AKR1C4: variants seen among roughly 807,000 people sequenced by gnomAD.
AKR1C4 encodes the protein aldo-keto reductase family 1 member C4.
AKR1C4 carries 44 observed loss-of-function variants against 41.0 expected under a neutral mutation model. That is an observed-to-expected ratio of 1.07 (90% CI 0.84 to 1.38). The LOEUF (loss-of-function observed/expected upper bound fraction) is 1.38. Among genes scored for constraint, AKR1C4 ranks in the 40% most tolerant of loss-of-function variants. The probability of loss-of-function intolerance (pLI) is 0.00; values close to 1 mark genes in which losing one functional copy is unlikely to be tolerated. For missense variants in AKR1C4, 438 were observed against 387.9 expected (o/e 1.13, Z -1.09); for synonymous variants, 165 against 137.7 (o/e 1.20, Z -1.39).
Position 5,213,131 on chromosome 10 carries a change from A to G in AKR1C4, c.818A>G (p.Asn273Ser), listed in dbSNP as rs782582193. Residue 273 changes from asparagine to serine, a missense_variant, in exon 7 of 9, where the codon AAT becomes AGT. By Grantham distance (46) the Asn-to-Ser change is conservative. Coordinates refer to ENST00000263126, the MANE Select transcript of AKR1C4 (RefSeq NM_001818.5). ...GTTGTGGTCCTGGCCAAGAGCTACA[A>G]TGAGCAGCGGATCAGAGAGAACATC... Reference protein sequence around the residue: ...RGVVVLAKSYNEQRIRENIQV... With the variant: ...RGVVVLAKSYSEQRIRENIQV... The G allele has an allele frequency of 6.2e-7, 1 of 1,614,026 alleles. No homozygotes were observed. The highest frequency in any genetic ancestry group is 8.5e-7 in the Non-Finnish European group (1 of 1,180,026).
At chr10:5,199,564 A>T (rs1272903887) in intron 1 of AKR1C4, among the ~76,000 whole-genome samples, 1 of 152,170 alleles carries the variant, frequency 6.6e-6, no homozygotes, top group Non-Finnish European at 1.5e-5. Context: ...GCAGAGGAAT[A>T]CACAGGTGGC....
At chr10:5,208,559 A>G (rs1204777363) in intron 5 of AKR1C4, among the ~76,000 whole-genome samples, 2 of 151,534 alleles carry the variant, frequency 1.3e-5, no homozygotes, top group African/African-American at 2.4e-5. Context: ...TATTTGTTGA[A>G]TCTCTTCAAA....
chr10:5,199,168 C>T (rs1232936157), intron 1 of AKR1C4, among the ~76,000 whole-genome samples: 1 of 152,160 alleles, frequency 6.6e-6, no homozygotes, highest in Non-Finnish European at 1.5e-5. Context: ...ATCTTTATTA[C>T]TAACCAGGAA....
intron 1 of AKR1C4, among the ~76,000 whole-genome samples, chr10:5,199,235 A>C (rs1182334397): frequency 1.3e-5 from 2 of 152,122 alleles, no homozygotes; most frequent in Non-Finnish European, 2.9e-5. Context: ...AACCCAAGAC[A>C]CGAGGATAAT....
chr10:5,211,412 T>C (rs576427244), intron 5 of AKR1C4, among the ~76,000 whole-genome samples: 8 of 152,346 alleles, frequency 5.3e-5, no homozygotes, highest in Non-Finnish European at 1.0e-4. Context: ...GAAATTTCTT[T>C]GACCAGATAT....
intron 3 of AKR1C4, 85 bp downstream of exon 3, chr10:5,204,578 G>A (rs538359566): frequency 8.4e-6 from 9 of 1,066,666 alleles, no homozygotes; most frequent in East Asian, 2.4e-5. Context: ...TTCTAAGGAG[G>A]GTGTAGGTGT....
intron 5 of AKR1C4, among the ~76,000 whole-genome samples, chr10:5,209,897 T>TCA (rs1439364051): frequency 2.0e-5 from 3 of 152,268 alleles, no homozygotes; most frequent in Admixed American, 2.0e-4. Context: ...TCTCATGTCC[T>TCA]CACAATTCAA....
chr10:5,205,069 TAA>T (rs1263744016), intron 3 of AKR1C4, among the ~76,000 whole-genome samples: 1 of 152,210 alleles, frequency 6.6e-6, no homozygotes, highest in Non-Finnish European at 1.5e-5. Flanking sequence ...CTAGTTTATT[TAA>T]AAAAGAGTTT....
intron 2 of AKR1C4, among the ~76,000 whole-genome samples, chr10:5,203,008 T>G (rs191694521): frequency 8.9e-4 from 134 of 151,208 alleles, no homozygotes; most frequent in Middle Eastern, 3.4e-3. Context: ...TATTGGTATT[T>G]GGTGATACTG....
Position 5,212,982 on chromosome 10 carries a change from C to T in AKR1C4, c.681-12C>T, listed in dbSNP as rs1430120384. The T allele has an allele frequency of 3.7e-6, 6 of 1,613,166 alleles. No individual in the cohort carries two copies. Among genetic ancestry groups the T allele is most frequent in the Non-Finnish European group, 5.1e-6 (6 of 1,179,366 alleles). ...AGCCTCAAGACTTCAGCATTTCTGG[C>T]TTTCCTTCCAGGGTGGACCCAAACT... On this transcript the variant is annotated splice_polypyrimidine_tract_variant and intron_variant, in intron 6 of 8. Coordinates refer to ENST00000263126, the MANE Select transcript of AKR1C4 (RefSeq NM_001818.5).
chr10:5,204,316 G>A (rs1459981536), intron 2 of AKR1C4, 61 bp from the exon 3 acceptor site: 1 of 1,292,056 alleles, frequency 7.7e-7, no homozygotes, highest in South Asian at 1.3e-5. Flanking sequence ...ATTAGGTGAA[G>A]CAAACTAATA....
chr10:5,216,984 G>A (rs1045904060), intron 8 of AKR1C4, among the ~76,000 whole-genome samples, 191 bp downstream of exon 8: 1 of 152,184 alleles, frequency 6.6e-6, no homozygotes, highest in Non-Finnish European at 1.5e-5. Flanking sequence ...TGGACCCAGG[G>A]TCAGCATCGG....
At chr10:5,206,155 G>C in intron 4 of AKR1C4, 120 bp from the exon 5 acceptor site, 1 of 1,512,624 alleles carries the variant, frequency 6.6e-7, no homozygotes, top group Non-Finnish European at 8.9e-7. Context: ...TTTCTCTTGA[G>C]AATCACTGCT....
intron 2 of AKR1C4, among the ~76,000 whole-genome samples, chr10:5,203,530 A>G (rs1174583279): frequency 6.6e-6 from 1 of 152,182 alleles, no homozygotes; most frequent in East Asian, 1.9e-4. Flanking sequence ...CTGGTGGGGA[A>G]GAGTATTCTG....
chr10:5,208,682 T>G (rs1832525392), intron 5 of AKR1C4, among the ~76,000 whole-genome samples: 1 of 151,542 alleles, frequency 6.6e-6, no homozygotes, highest in Admixed American at 6.6e-5. Flanking sequence ...ATAACAATAA[T>G]GCCCTCATAT....
At chr10:5,201,665 T>C (rs1832401991) in intron 2 of AKR1C4, among the ~76,000 whole-genome samples, 1 of 152,158 alleles carries the variant, frequency 6.6e-6, no homozygotes, top group Non-Finnish European at 1.5e-5. Context: ...TAGAGACAAA[T>C]TCTTGGCTGA....
Position 5,212,641 on chromosome 10 carries a change from A to C in AKR1C4, c.596A>C (p.Gln199Pro). ...NQVECHPYLN[Q>P]SKLLDFCKSK... is the part of the protein sequence containing the mutation. ...GTAGAATGTCATCCTTACCTCAACC[A>C]GAGCAAACTGCTGGATTTCTGCAAG... The change falls in exon 6 of 9, where the codon CAG becomes CCG. Residue 199 changes from glutamine to proline, a missense_variant. Gln to Pro is a moderately conservative substitution (Grantham distance 76, BLOSUM62 -1). Transcript: ENST00000263126. 6.2e-7 allele frequency: 1 copy of C among 1,613,586 alleles called. No individual in the cohort carries two copies.
intron 5 of AKR1C4, among the ~76,000 whole-genome samples, chr10:5,209,693 C>A (rs1832540807): frequency 1.3e-5 from 2 of 152,132 alleles, no homozygotes; most frequent in African/African-American, 4.8e-5. Context: ...GAAATCTCCT[C>A]CTTATAAAAC....
Position 5,206,531 on chromosome 10 carries a change from A to G in AKR1C4, c.570+134A>G. The G allele has an allele frequency of 2.7e-6, 4 of 1,474,352 alleles. No homozygotes were observed. The South Asian group carries it at 4.2e-5, about 15-fold the overall frequency. The allele number at this position is 1,474,352 out of a possible 1,614,324, so 91.3% of individuals were successfully genotyped here. On this transcript the variant is annotated intron_variant, in intron 5 of 8. Coordinates refer to ENST00000263126, the MANE Select transcript of AKR1C4 (RefSeq NM_001818.5). ...CTAGAAAGCAAAACATCTGTCTAGA[A>G]GAAAACGGAAGACCCTTAATTGCAC... is the stretch of plus-strand genomic sequence containing the variant.
Sources: gnomAD v4.1 joint callset for allele counts (sites outside exome capture counted in the v4.1 genomes callset) on GRCh38, gnomAD v4.1.1 for gene constraint, MANE v1.5 for transcripts, NCBI Gene and HGNC (gene_info 2026-07-23, HGNC 2026-07-21) for gene names.